Variants in UNC80 observed in about 807,000 individuals in gnomAD.
UNC80 encodes protein unc-80 homolog.
Under a neutral mutation model 384.6 loss-of-function variants are expected in UNC80, and 164 were observed. That is an observed-to-expected ratio of 0.43 (90% confidence interval 0.38 to 0.49). UNC80 has a LOEUF of 0.49. Ranked by LOEUF, UNC80 falls within the 20% of genes least tolerant of loss-of-function variation. The pLI is 0.00. For missense variants in UNC80, 3,330 were observed against 4,143.0 expected, an observed-to-expected ratio of 0.80 and a Z score of 5.39; for synonymous variants, 1,486 against 1,527.8, an observed-to-expected ratio of 0.97 and a Z score of 0.64.
chr2:209,938,179 G>A (rs1053579613), intron 42 of UNC80, among the ~76,000 whole-genome samples: 2 of 152,164 alleles, frequency 1.3e-5, no homozygotes, highest in Non-Finnish European at 2.9e-5. Flanking sequence ...TAGGTTTAAG[G>A]TTGAAGAACA....
chr2:209,835,115 A>AT, intron 18 of UNC80, 105 bp downstream of exon 18: 1 of 927,902 alleles, frequency 1.1e-6, no homozygotes. Flanking sequence ...TCTCCTTTGA[A>AT]TTTTGCCTTG....
intron 2 of UNC80, among the ~76,000 whole-genome samples, chr2:209,773,489 C>T (rs10189607): frequency 1 from 152,223 of 152,322 alleles, 76,062 homozygotes; most frequent in Non-Finnish European, 1. Flanking sequence ...CTTATCTACC[C>T]ATTAATGTGA....
intron 45 of UNC80, 58 bp downstream of exon 45, chr2:209,943,572 T>G (rs574680072): frequency 1.9e-5 from 30 of 1,540,890 alleles, no homozygotes; most frequent in Non-Finnish European, 2.5e-5. Context: ...AAAGCAAAGG[T>G]TATTTATTAG....
At chr2:209,958,592 A>G (rs1440264185) in intron 49 of UNC80, among the ~76,000 whole-genome samples, 9 of 152,188 alleles carry the variant, frequency 5.9e-5, no homozygotes, top group South Asian at 2.1e-4. Context: ...TCAATTTCCT[A>G]TATTAAGGGA....
At chr2:209,907,597 A>G (rs748214971) in intron 29 of UNC80, among the ~76,000 whole-genome samples, 80 of 152,176 alleles carry the variant, frequency 5.3e-4, no homozygotes, top group Non-Finnish European at 9.3e-4. Flanking sequence ...CCATGGCTGG[A>G]GCACAGAGGA....
At chr2:209,806,196 T>A (rs1425734284) in intron 7 of UNC80, among the ~76,000 whole-genome samples, 1 of 152,212 alleles carries the variant, frequency 6.6e-6, no homozygotes, top group Non-Finnish European at 1.5e-5. Flanking sequence ...TCTTATATAA[T>A]CTTTCTCATC....
chr2:209,982,231 G>T lies in UNC80; in HGVS notation c.9171G>T (p.Leu3057=). The T allele has an allele frequency of 6.4e-7, 1 of 1,551,602 alleles. No individual in the cohort carries two copies. The highest frequency in any genetic ancestry group is 1.2e-5 in the South Asian group (1 of 84,042). ...TAAGTGAACAAGAAGCTTACCTCCT[G>T]AGTGCCATTGGAAGGAGGCGATTCT... ...SVVSEQEAYL[L]SAIGRRRFSS... is the part of the protein sequence containing the mutation. Residue 3057 remains leucine (L), a synonymous_variant, in exon 60 of 65, where the codon CTG becomes CTT. Coordinates refer to ENST00000673920, the MANE Select transcript of UNC80 (RefSeq NM_001371986.1).
chr2:209,882,954 A>G (rs920762403), intron 25 of UNC80, among the ~76,000 whole-genome samples: 2 of 152,224 alleles, frequency 1.3e-5, no homozygotes, highest in African/African-American at 4.8e-5. Flanking sequence ...TGACTAACCT[A>G]CAGTTAGTTA....
At chr2:209,855,185 T>C (rs903825585) in intron 22 of UNC80, among the ~76,000 whole-genome samples, 1 of 152,138 alleles carries the variant, frequency 6.6e-6, no homozygotes, top group Non-Finnish European at 1.5e-5. Flanking sequence ...CTCAGCAAAC[T>C]AATGCAGGAA....
chr2:209,786,108 T>C lies in UNC80; in HGVS notation c.643T>C (p.Trp215Arg). The change falls in exon 5 of 65, where the codon TGG (tryptophan) becomes CGG (arginine). Residue 215 changes from tryptophan to arginine, a missense_variant. Physicochemically the swap from Trp to Arg is moderately radical, Grantham distance 101. Around this residue, in one of 8 missense-constraint regions of UNC80, gnomAD observed 937 missense variants for 1,026.8 expected, o/e 0.91. Coordinates refer to ENST00000673920, the MANE Select transcript of UNC80 (RefSeq NM_001371986.1). Reference protein sequence around the residue: ...TFRLASGLVIWQPMWEHRQPG... With the variant: ...TFRLASGLVIRQPMWEHRQPG... Reference sequence around the variant, plus strand: ...CCGTCTGGCCAGTGGGCTTGTTATATGGCAGCCCATGTGGGAACACAGACA... The same window carrying C: ...CCGTCTGGCCAGTGGGCTTGTTATACGGCAGCCCATGTGGGAACACAGACA... The C allele has an allele frequency of 1.2e-6, 2 of 1,614,088 alleles. No homozygotes were observed. The highest frequency in any genetic ancestry group is 1.7e-6 in the Non-Finnish European group (2 of 1,179,958).
Position 209,945,870 on chromosome 2 carries a change from C to T in UNC80, c.7213C>T (p.Leu2405=), listed in dbSNP as rs1487294348. The T allele has an allele frequency of 6.4e-7, 1 of 1,551,902 alleles. No individual in the cohort carries two copies. The highest frequency in any genetic ancestry group is 8.7e-7 in the Non-Finnish European group (1 of 1,146,942). Residue 2405 remains leucine (L), a synonymous_variant, in exon 47 of 65, where the codon CTG becomes TTG. Transcript: ENST00000673920. Reference sequence around the variant, plus strand: ...AGATTTCTGCTATGGAAACGAAGATCTGACATTTTCTATCAGTGAAGCCAT... The same window carrying T: ...AGATTTCTGCTATGGAAACGAAGATTTGACATTTTCTATCAGTGAAGCCAT... The part of the protein sequence containing the change: ...SLDFCYGNED[L]TFSISEAIKL...
chr2:209,789,005 T>C (rs1340753446), intron 5 of UNC80, among the ~76,000 whole-genome samples: 1 of 152,212 alleles, frequency 6.6e-6, no homozygotes, highest in Admixed American at 6.5e-5. Flanking sequence ...CATTGTGTTA[T>C]AAATGCCTAC....
At chr2:209,978,421 C>A in intron 58 of UNC80, 108 bp from the exon 59 acceptor site, 2 of 945,466 alleles carry the variant, frequency 2.1e-6, no homozygotes, top group Non-Finnish European at 3.0e-6. Context: ...GTCTGGGACA[C>A]ATTATTTAAC....
intron 54 of UNC80, among the ~76,000 whole-genome samples, chr2:209,971,427 T>A (rs78466164): frequency 0.033 from 4,868 of 149,424 alleles, 162 homozygotes; most frequent in South Asian, 0.14. Context: ...TCTCCCCCTT[T>A]ATTTATTTCT....
intron 26 of UNC80, among the ~76,000 whole-genome samples, chr2:209,889,994 A>T (rs532450654): frequency 8.5e-5 from 13 of 152,132 alleles, no homozygotes; most frequent in Non-Finnish European, 1.8e-4. Context: ...CAACGTGCCC[A>T]GCTACTTGTC....
intron 48 of UNC80, among the ~76,000 whole-genome samples, chr2:209,956,621 G>A (rs1363520852): frequency 6.6e-6 from 1 of 151,514 alleles, no homozygotes; most frequent in Non-Finnish European, 1.5e-5. Context: ...GGGTACATGT[G>A]CACATTGTGC....
intron 61 of UNC80, among the ~76,000 whole-genome samples, chr2:209,990,677 T>C (rs928266701): frequency 6.6e-6 from 1 of 152,218 alleles, no homozygotes; most frequent in African/African-American, 2.4e-5. Context: ...ATTGTCTGGA[T>C]TGCTTATCAG....
intron 8 of UNC80, among the ~76,000 whole-genome samples, chr2:209,814,073 T>G (rs927672692): frequency 1.3e-5 from 2 of 152,208 alleles, no homozygotes; most frequent in African/African-American, 4.8e-5. Context: ...AGTATAAGTC[T>G]TTGTTTATCT....
At chr2:209,950,957 G>A (rs537099211) in intron 47 of UNC80, among the ~76,000 whole-genome samples, 1 of 152,112 alleles carries the variant, frequency 6.6e-6, no homozygotes, top group Non-Finnish European at 1.5e-5. Context: ...TGGATTGCAT[G>A]ATTTCAGGAG....
Sources: gnomAD v4.1 joint callset for allele counts (sites outside exome capture counted in the v4.1 genomes callset) on GRCh38, gnomAD v4.1.1 for gene constraint, gnomAD v4.1.1 regional missense constraint, MANE v1.5 for transcripts, NCBI Gene and HGNC (gene_info 2026-07-23, HGNC 2026-07-21) for gene names.